TRIB2: variants seen among roughly 807,000 people sequenced by gnomAD.
TRIB2 encodes the protein tribbles pseudokinase 2.
A neutral mutation model predicts 26.8 loss-of-function variants in TRIB2; 2 were observed. The ratio of observed to expected loss-of-function variants is 0.07; its 90% CI spans 0.03 to 0.24. TRIB2 has a LOEUF of 0.24. Among genes scored for constraint, TRIB2 ranks in the 10% least tolerant of loss-of-function variants. The pLI, the probability that TRIB2 is intolerant of heterozygous loss-of-function variation, is 1.00. For synonymous variants in TRIB2, 189 were observed against 187.3 expected (o/e 1.01, Z -0.08); for missense variants, 306 against 449.0 (o/e 0.68, Z 2.88).
intron 2 of TRIB2, among the ~76,000 whole-genome samples, chr2:12,738,807 C>T (rs565646056): frequency 2.1e-4 from 32 of 152,306 alleles, no homozygotes; most frequent in African/African-American, 7.2e-4. Flanking sequence ...CTGGCCCTCA[C>T]AGTAGATTAG....
At chr2:12,726,626 C>A (rs973601921) in intron 2 of TRIB2, among the ~76,000 whole-genome samples, 1 of 152,216 alleles carries the variant, frequency 6.6e-6, no homozygotes, top group Non-Finnish European at 1.5e-5. Flanking sequence ...GAAAGCTAAA[C>A]CACAGAGTTA....
intron 2 of TRIB2, among the ~76,000 whole-genome samples, chr2:12,723,845 T>G (rs889893738): frequency 3.3e-5 from 5 of 152,208 alleles, no homozygotes; most frequent in Non-Finnish European, 5.9e-5. Flanking sequence ...GCAAACCTCT[T>G]TGACATTTTC....
intron 2 of TRIB2, among the ~76,000 whole-genome samples, chr2:12,731,740 CCCTGTCTGG>C (rs1661463933): frequency 6.6e-6 from 1 of 152,200 alleles, no homozygotes; most frequent in South Asian, 2.1e-4. Context: ...AGTGCAGCGT[CCCTGTCTGG>C]CCCTGCGAGT....
At chr2:12,726,124 G>T (rs1321631300) in intron 2 of TRIB2, among the ~76,000 whole-genome samples, 1 of 152,216 alleles carries the variant, frequency 6.6e-6, no homozygotes, top group Non-Finnish European at 1.5e-5. Context: ...GTCTGTCTGG[G>T]CAGCTCTGAG....
chr2:12,724,225 G>T (rs1214452177), intron 2 of TRIB2, among the ~76,000 whole-genome samples: 1 of 152,202 alleles, frequency 6.6e-6, no homozygotes, highest in African/African-American at 2.4e-5. Context: ...CCGCATTCCA[G>T]GTGAGGAAAC....
Position 12,740,845 on chromosome 2 carries a change from G to A in TRIB2, c.*51G>A, listed in dbSNP as rs369137652. ...GGTTCCAGGAGTGAGCGAGGGCAGC[G>A]GAAAGGAGTTCTTCCGGGGGACACG... On this transcript the variant is annotated 3_prime_UTR_variant, in exon 3 of 3. Coordinates refer to ENST00000155926, the MANE Select transcript of TRIB2 (RefSeq NM_021643.4). The surrounding 1 kb of genome is among the most constrained non-coding windows in gnomAD (Gnocchi z 5.8). 5.1e-5 allele frequency: 78 copies of A among 1,521,238 alleles called. No individual in the cohort carries two copies. Among genetic ancestry groups the A allele is most frequent in the Middle Eastern group, 1.7e-4 (1 of 5,720 alleles). The allele number at this position is 1,521,238 out of a possible 1,614,324, so 94.2% of individuals were successfully genotyped here.
chr2:12,729,113 T>G (rs1661396460), intron 2 of TRIB2, among the ~76,000 whole-genome samples: 2 of 152,236 alleles, frequency 1.3e-5, no homozygotes, highest in African/African-American at 4.8e-5. Flanking sequence ...ACTTGAGGTA[T>G]TGCCAACCTT....
intron 2 of TRIB2, among the ~76,000 whole-genome samples, chr2:12,736,450 A>T (rs749373756): frequency 7.0e-6 from 1 of 143,378 alleles, no homozygotes; most frequent in Non-Finnish European, 1.5e-5. Flanking sequence ...ACCTTTACTG[A>T]CAGATGCCTG....
chr2:12,722,265 C>T (rs1416203006), intron 1 of TRIB2, among the ~76,000 whole-genome samples: 2 of 152,158 alleles, frequency 1.3e-5, no homozygotes, highest in Non-Finnish European at 2.9e-5. Flanking sequence ...ATTGTTAGGG[C>T]GTTCCTGCCT....
chr2:12,725,927 A>C (rs1331672287), intron 2 of TRIB2, among the ~76,000 whole-genome samples: 2 of 152,232 alleles, frequency 1.3e-5, no homozygotes, highest in Non-Finnish European at 2.9e-5. Context: ...GGAGAAAATG[A>C]GAACTCCTCC....
chr2:12,734,595 T>G (rs7556820), intron 2 of TRIB2, among the ~76,000 whole-genome samples: 38,858 of 151,998 alleles, frequency 0.26, 6,985 homozygotes, highest in African/African-American at 0.51. Context: ...TGCCCCCAGT[T>G]TTTTGCAGAT....
chr2:12,730,013 A>T (rs758267399), intron 2 of TRIB2, among the ~76,000 whole-genome samples: 1 of 152,142 alleles, frequency 6.6e-6, no homozygotes, highest in East Asian at 1.9e-4. Flanking sequence ...CAGCCCGGAG[A>T]TTCAATTATT....
intron 2 of TRIB2, among the ~76,000 whole-genome samples, chr2:12,738,181 C>T (rs549422148): frequency 2.0e-5 from 3 of 152,268 alleles, no homozygotes; most frequent in African/African-American, 4.8e-5. Flanking sequence ...AACCTTGCCC[C>T]GCTTCTATGG....
Position 12,717,112 on chromosome 2 carries a change from C to T in TRIB2, c.-1196C>T, listed in dbSNP as rs1019161015. On this transcript the variant is annotated 5_prime_UTR_variant, in exon 1 of 3. The change creates a new upstream start codon in the 5' untranslated region. Coordinates refer to ENST00000155926, the MANE Select transcript of TRIB2 (RefSeq NM_021643.4). This position sits in a 1 kb window ranked among gnomAD's most constrained non-coding sequence, Gnocchi z 4.8. ...CCGTCCCCTTTAATTTTTAAATACA[C>T]GGTCCCCTCTTTTCTCTGGGGGGGG... 2 of 339,008 alleles carry T rather than the reference C, an allele frequency of 5.9e-6. No individual in the cohort carries two copies. Among genetic ancestry groups the T allele is most frequent in the East Asian group, 9.0e-5 (2 of 22,346 alleles). The allele number at this position is 339,008 out of a possible 1,614,324, so 21.0% of individuals were successfully genotyped here.
In TRIB2 at chr2:12,723,540, A is replaced by G; in HGVS notation, c.551A>G (p.Lys184Arg). The G allele has an allele frequency of 6.2e-7, 1 of 1,613,864 alleles. No individual in the cohort carries two copies. Among genetic ancestry groups the G allele is most frequent in the Non-Finnish European group, 8.5e-7 (1 of 1,179,872 alleles). The change falls in exon 2 of 3, where the codon AAG becomes AGG. Residue 184 changes from lysine (K) to arginine (R), a missense_variant. Physicochemically the swap from Lys to Arg is conservative, Grantham distance 26 (BLOSUM62 2). Transcript: ENST00000155926. ...RDLKLRKFIF[K>R]DEERTRVKLE... The stretch of plus-strand genomic sequence containing the variant: ...CTCAAGCTGCGGAAATTCATCTTTA[A>G]GGACGAAGAGAGGTAGGTCTCATCC...
rs551141393 is a variant in TRIB2, at chr2:12,721,918, C to T, written c.271-1342C>T. Among the ~76,000 whole-genome samples, 6 of 152,250 alleles carry T rather than the reference C, an allele frequency of 3.9e-5. No individual in the cohort carries two copies. The South Asian group carries it at 1.2e-3, about 32-fold the overall frequency. Reference sequence around the variant, plus strand: ...CCCGTGAATCCCCTTAAAATGAATCCGGTATCGTGCATGCATTTGAGAACG... The same window carrying T: ...CCCGTGAATCCCCTTAAAATGAATCTGGTATCGTGCATGCATTTGAGAACG... On this transcript the variant is annotated intron_variant, in intron 1 of 2. Transcript: ENST00000155926.
In TRIB2 at chr2:12,717,970, A is replaced by G; in HGVS notation, c.-338A>G. 3.5e-6 allele frequency: 1 copy of G among 283,718 alleles called. No homozygotes were observed. 17.6% of individuals were successfully genotyped at this position (283,718 alleles called of 1,614,324 possible). Reference sequence around the variant, plus strand: ...CCCTGGCGCTGCAGCTCCGCACCTTAGCAGCCCGGGTACTCATCCAGATCC... The same window carrying G: ...CCCTGGCGCTGCAGCTCCGCACCTTGGCAGCCCGGGTACTCATCCAGATCC... On this transcript the variant is annotated 5_prime_UTR_variant, in exon 1 of 3. Transcript: ENST00000155926. The surrounding 1 kb of genome is among the most constrained non-coding windows in gnomAD (Gnocchi z 4.8).
At position 12,723,415 on chromosome 2, in the gene TRIB2, C is replaced by T. The variant is rs1447632079; in HGVS notation, c.426C>T (p.Arg142=). The change falls in exon 2 of 3, where the codon CGC becomes CGT. Residue 142 remains arginine (R), a synonymous_variant. Transcript: ENST00000155926. ...ATGGGGACATGCATTCCTTCGTCCGCACCTGCAAGAAGCTGAGAGAGGAGG... is the reference window on the plus strand; with the variant it reads ...ATGGGGACATGCATTCCTTCGTCCGTACCTGCAAGAAGCTGAGAGAGGAGG... ...RSYGDMHSFV[R]TCKKLREEEA... 1 of 1,614,210 alleles carries T rather than the reference C, an allele frequency of 6.2e-7. No individual in the cohort carries two copies. The highest frequency in any genetic ancestry group is 8.5e-7 in the Non-Finnish European group (1 of 1,180,040).
At chr2:12,722,349 A>C (rs13412894) in intron 1 of TRIB2, among the ~76,000 whole-genome samples, 4,565 of 152,274 alleles carry the variant, frequency 0.03, 241 homozygotes, top group African/African-American at 0.1. Flanking sequence ...CATCTTACCC[A>C]CATCCCAGGC....
Sources: gnomAD v4.1 joint callset for allele counts (sites outside exome capture counted in the v4.1 genomes callset) on GRCh38, gnomAD v4.1.1 for gene constraint, Gnocchi (gnomAD v3.1) non-coding constraint, MANE v1.5 for transcripts, NCBI Gene and HGNC (gene_info 2026-07-23, HGNC 2026-07-21) for gene names.